PLD1: variants seen among roughly 807,000 people sequenced by gnomAD.
The protein encoded by PLD1 is phospholipase D1, also known as choline phosphatase 1.
A neutral mutation model predicts 137.1 loss-of-function variants in PLD1; 112 were observed. The observed-to-expected ratio is 0.82, with a 90% CI of 0.70 to 0.96. The LOEUF (loss-of-function observed/expected upper bound fraction) is 0.96. PLD1 is among the 40% of genes least tolerant of loss of function. The probability of loss-of-function intolerance (pLI) is 0.00; values close to 1 mark genes in which losing one functional copy is unlikely to be tolerated. For missense variants in PLD1, 1,321 were observed against 1,342.0 expected (o/e 0.98, Z 0.24); for synonymous variants, 431 against 454.7 (o/e 0.95, Z 0.66).
intron 11 of PLD1, among the ~76,000 whole-genome samples, chr3:171,700,317 C>A (rs979687354): frequency 3.4e-5 from 5 of 148,890 alleles, no homozygotes; most frequent in Non-Finnish European, 7.4e-5. Context: ...CACACACAAA[C>A]ACACACACAC....
At chr3:171,684,727 C>G (rs535867498) in intron 16 of PLD1, among the ~76,000 whole-genome samples, 1 of 152,280 alleles carries the variant, frequency 6.6e-6, no homozygotes, top group African/African-American at 2.4e-5. Context: ...GCCAGAAAAG[C>G]TGGGACAACA....
rs1733492878 is a variant in PLD1, at chr3:171,620,439, A to C, written c.2675T>G (p.Leu892Arg). 6.2e-7 allele frequency: 1 copy of C among 1,601,034 alleles called. No homozygotes were observed. The highest frequency in any genetic ancestry group is 1.1e-5 in the South Asian group (1 of 89,816). ...TAACAACTTGCTGTGGACATAGATA[A>C]GCTCAGTTACTAGGTTTCCTTCGAG... ...AELEGNLVTELIYVHSKLLIA... is the reference protein window; with the variant it reads ...AELEGNLVTERIYVHSKLLIA... Residue 892 changes from leucine to arginine, a missense_variant, in exon 24 of 27, where the codon CTT becomes CGT. Physicochemically the swap from Leu to Arg is moderately radical, Grantham distance 102. Coordinates refer to ENST00000351298, the MANE Select transcript of PLD1 (RefSeq NM_002662.5).
chr3:171,669,126 G>A (rs1234712092), intron 19 of PLD1, among the ~76,000 whole-genome samples: 1 of 152,092 alleles, frequency 6.6e-6, no homozygotes, highest in African/African-American at 2.4e-5. Flanking sequence ...TGGTGGGCAG[G>A]CATCCATACT....
chr3:171,617,129 T>C (rs1163865009), intron 24 of PLD1, among the ~76,000 whole-genome samples: 2 of 152,194 alleles, frequency 1.3e-5, no homozygotes, highest in Non-Finnish European at 2.9e-5. Flanking sequence ...AACTAGATCA[T>C]AATTTCTAGA....
chr3:171,682,377 C>T (rs1714104441), intron 16 of PLD1, among the ~76,000 whole-genome samples: 1 of 152,166 alleles, frequency 6.6e-6, no homozygotes, highest in Admixed American at 6.5e-5. Flanking sequence ...GTTCACTCCA[C>T]ACTGATTTCT....
Position 171,669,928 on chromosome 3 carries a change from A to T in PLD1, c.2229+4572T>A, listed in dbSNP as rs1159047027. On this transcript the variant is annotated intron_variant, in intron 19 of 26. Transcript: ENST00000351298. ...TGTCACAGAGCTGAGATGTTAACAC[A>T]GTCTGGCTCTAGAATCTATCCCTTA... Among the ~76,000 whole-genome samples the T allele has an allele frequency of 2.6e-5, 4 of 152,370 alleles. No homozygotes were observed. In the East Asian group the frequency reaches 7.7e-4, roughly 29 times the overall value.
intron 16 of PLD1, among the ~76,000 whole-genome samples, chr3:171,686,139 A>AG (rs1714535406): frequency 6.6e-6 from 1 of 152,172 alleles, no homozygotes; most frequent in Admixed American, 6.5e-5. Context: ...AAAAAAAAAA[A>AG]AAAGATTTTT....
chr3:171,602,796 TG>T lies in PLD1; in HGVS notation c.*281del. The stretch of plus-strand genomic sequence containing the variant: ...TTCTTGTTACAAAGGAAATGGATTT[TG>T]GTATACGGAATTTGAATATGTGTTT... On this transcript the variant is annotated 3_prime_UTR_variant, in exon 27 of 27. Transcript: ENST00000351298. 1 of 367,632 alleles carries T rather than the reference TG, an allele frequency of 2.7e-6. No individual in the cohort carries two copies. Among genetic ancestry groups the T allele is most frequent in the Non-Finnish European group, 4.9e-6 (1 of 202,316 alleles). The allele number at this position is 367,632 out of a possible 1,614,324, so 22.8% of individuals were successfully genotyped here.
chr3:171,735,901 G>T (rs550219857), intron 3 of PLD1, among the ~76,000 whole-genome samples: 37 of 152,234 alleles, frequency 2.4e-4, no homozygotes, highest in African/African-American at 8.2e-4. Context: ...ACATATGTGC[G>T]TGTATGCATC....
At chr3:171,647,513 G>A (rs988286366) in intron 21 of PLD1, among the ~76,000 whole-genome samples, 5 of 151,390 alleles carry the variant, frequency 3.3e-5, no homozygotes, top group Admixed American at 1.3e-4. Flanking sequence ...GCAATGGTGC[G>A]ATCTCGGCTC....
At chr3:171,806,683 A>G (rs1265716792) in intron 1 of PLD1, among the ~76,000 whole-genome samples, 1 of 152,236 alleles carries the variant, frequency 6.6e-6, no homozygotes, top group Non-Finnish European at 1.5e-5. Flanking sequence ...TCTGGGATGG[A>G]CAGGAAATTG....
At chr3:171,763,483 A>AGG (rs1560286566) in intron 1 of PLD1, among the ~76,000 whole-genome samples, 1 of 10,998 alleles carries the variant, frequency 9.1e-5, no homozygotes, top group African/African-American at 4.0e-4. Flanking sequence ...AGGGGAGGGG[A>AGG]GGAGGGGAGG....
At chr3:171,609,812 T>C (rs138556503) in intron 25 of PLD1, among the ~76,000 whole-genome samples, 40 of 152,286 alleles carry the variant, frequency 2.6e-4, no homozygotes, top group African/African-American at 9.4e-4. Context: ...GTACACTATT[T>C]GGGTGACAGT....
intron 1 of PLD1, among the ~76,000 whole-genome samples, chr3:171,774,495 C>A (rs117721316): frequency 0.022 from 3,335 of 152,242 alleles, 59 homozygotes; most frequent in Middle Eastern, 0.061. Flanking sequence ...TATGTCACAT[C>A]ATGGAGCAAA....
intron 16 of PLD1, among the ~76,000 whole-genome samples, chr3:171,680,020 C>T (rs1022471073): frequency 1.3e-5 from 2 of 152,106 alleles, no homozygotes; most frequent in African/African-American, 4.8e-5. Context: ...CTGTCAGTGG[C>T]TCAGATTCTG....
chr3:171,638,356 A>AAAAAT (rs1735336773), intron 23 of PLD1, among the ~76,000 whole-genome samples: 1 of 152,160 alleles, frequency 6.6e-6, no homozygotes, highest in Admixed American at 6.5e-5. Context: ...AAATTTATTT[A>AAAAAT]AAAATAAAAT....
intron 1 of PLD1, among the ~76,000 whole-genome samples, chr3:171,745,529 A>G (rs1344721763): frequency 2.6e-5 from 4 of 152,226 alleles, no homozygotes; most frequent in Non-Finnish European, 4.4e-5. Context: ...CACAGCCTCC[A>G]TGGCATGCAG....
At chr3:171,776,180 C>T (rs566747418) in intron 1 of PLD1, among the ~76,000 whole-genome samples, 2 of 152,332 alleles carry the variant, frequency 1.3e-5, no homozygotes, top group African/African-American at 4.8e-5. Flanking sequence ...GACACTCCTT[C>T]CTGGGCCTCA....
intron 1 of PLD1, among the ~76,000 whole-genome samples, chr3:171,762,534 C>T (rs1188006140): frequency 6.6e-6 from 1 of 152,066 alleles, no homozygotes; most frequent in African/African-American, 2.4e-5. Flanking sequence ...AGAAGTGTAG[C>T]GGGGACCCAG....
Sources: allele counts gnomAD v4.1 joint callset (sites outside exome capture counted in the v4.1 genomes callset), GRCh38; gene constraint gnomAD v4.1.1; transcripts MANE v1.5; gene names NCBI Gene and HGNC (gene_info 2026-07-23, HGNC 2026-07-21).